The following INVS variants were observed in gnomAD, a reference collection of about 807,000 sequenced individuals.
INVS encodes the protein inversin.
A neutral mutation model predicts 108.8 loss-of-function variants in INVS; 86 were observed. That is an observed-to-expected ratio of 0.79 (90% CI 0.66 to 0.95). The LOEUF (loss-of-function observed/expected upper bound fraction) is 0.95. INVS is among the 40% of genes least tolerant of loss of function. The pLI is 0.00. For synonymous variants in INVS, 455 were observed against 473.5 expected (o/e 0.96, Z 0.51); for missense variants, 1,169 against 1,297.4 (o/e 0.90, Z 1.52).
At chr9:100,254,157 T>C (rs1416017183) in intron 10 of INVS, among the ~76,000 whole-genome samples, 1 of 152,218 alleles carries the variant, frequency 6.6e-6, no homozygotes. Flanking sequence ...TGCATTTCTC[T>C]GATGGCCAGT....
At chr9:100,152,592 T>C (rs906746741) in intron 3 of INVS, among the ~76,000 whole-genome samples, 1 of 152,208 alleles carries the variant, frequency 6.6e-6, no homozygotes, top group Admixed American at 6.5e-5. Flanking sequence ...TTCTGATGGG[T>C]ATGTCATTCA....
chr9:100,294,344 ATTC>A (rs1833725339), intron 14 of INVS, among the ~76,000 whole-genome samples: 1 of 152,142 alleles, frequency 6.6e-6, no homozygotes, highest in African/African-American at 2.4e-5. Context: ...AACTAGATAG[ATTC>A]CCAGGAGGTC....
At chr9:100,261,297 G>A (rs540124029) in intron 10 of INVS, among the ~76,000 whole-genome samples, 2 of 138,388 alleles carry the variant, frequency 1.4e-5, no homozygotes, top group Non-Finnish European at 3.0e-5. Context: ...ACAGAGTCTC[G>A]CTCTGTCACC....
At chr9:100,248,162 A>T (rs564529069) in intron 8 of INVS, among the ~76,000 whole-genome samples, 16 of 152,254 alleles carry the variant, frequency 1.1e-4, no homozygotes, top group African/African-American at 3.6e-4. Context: ...GACACATAGG[A>T]TATTGACTTT....
At chr9:100,215,970 A>G (rs1391554564) in intron 3 of INVS, among the ~76,000 whole-genome samples, 2 of 152,186 alleles carry the variant, frequency 1.3e-5, no homozygotes, top group Non-Finnish European at 2.9e-5. Context: ...TGGTGGGTTC[A>G]TTGCCTTATC....
intron 3 of INVS, among the ~76,000 whole-genome samples, chr9:100,132,774 G>A (rs1159503309): frequency 2.5e-5 from 2 of 80,638 alleles, no homozygotes; most frequent in East Asian, 1.9e-3. Context: ...GCATATGCCT[G>A]GAATTTTTTT....
intron 3 of INVS, among the ~76,000 whole-genome samples, chr9:100,195,058 T>C (rs1239773742): frequency 6.6e-6 from 1 of 152,196 alleles, no homozygotes; most frequent in East Asian, 1.9e-4. Flanking sequence ...CTGCTATTAT[T>C]TGTAGTGTCC....
intron 3 of INVS, among the ~76,000 whole-genome samples, chr9:100,144,677 G>C (rs1428061765): frequency 1.3e-5 from 2 of 152,152 alleles, no homozygotes. Context: ...TGGGTGTGAG[G>C]AGGGGAGATG....
intron 3 of INVS, among the ~76,000 whole-genome samples, chr9:100,202,462 G>T (rs913927068): frequency 6.6e-6 from 1 of 152,156 alleles, no homozygotes; most frequent in African/African-American, 2.4e-5. Flanking sequence ...AAACATTGAG[G>T]AAACTGATTA....
chr9:100,290,400 A>T (rs1056538096), intron 13 of INVS, among the ~76,000 whole-genome samples: 1 of 152,072 alleles, frequency 6.6e-6, no homozygotes, highest in African/African-American at 2.4e-5. Flanking sequence ...CCTAGGCTGG[A>T]GTGCAGTGGC....
intron 9 of INVS, 150 bp downstream of exon 9, chr9:100,252,588 T>C (rs1832272269): frequency 2.5e-6 from 2 of 812,178 alleles, no homozygotes; most frequent in Non-Finnish European, 4.1e-6. Context: ...GAACCTCAAG[T>C]TCTACTCCTA....
In INVS at chr9:100,284,595, G is replaced by A. The variant is rs1190514155; in HGVS notation, c.2060G>A (p.Arg687Lys). 5 of 1,613,190 alleles carry A rather than the reference G, an allele frequency of 3.1e-6. No homozygotes were observed. The Admixed American group carries it at 8.3e-5, about 27-fold the overall frequency. The stretch of plus-strand genomic sequence containing the variant: ...GATTTGCAGGGAACAAACTCCAGAA[G>A]GCCAAATGGTAGGTGTATTGCCTTT... The part of the protein sequence containing the change: ...SSDLQGTNSR[R>K]PNETAREHSK... Residue 687 changes from arginine (R) to lysine (K), a missense_variant, in exon 13 of 17, where the codon AGG becomes AAG. Around this residue, in one of 3 missense-constraint regions of INVS, gnomAD observed 533 missense variants for 536.0 expected, o/e 0.99. Transcript: ENST00000262457.
intron 3 of INVS, among the ~76,000 whole-genome samples, chr9:100,171,193 A>G (rs1236458474): frequency 6.6e-6 from 1 of 152,170 alleles, no homozygotes; most frequent in African/African-American, 2.4e-5. Flanking sequence ...TGGTCCCATG[A>G]GCCGTCACAC....
Position 100,243,350 on chromosome 9 carries a change from T to G in INVS, c.906+671T>G, listed in dbSNP as rs10819744. Reference sequence around the variant, plus strand: ...ATTATACCTTTTCTTCCAGGATTGTTGTAAAGATTAGAGAAAATTTATGAC... The same window carrying G: ...ATTATACCTTTTCTTCCAGGATTGTGGTAAAGATTAGAGAAAATTTATGAC... On this transcript the variant is annotated intron_variant, in intron 7 of 16. Coordinates refer to ENST00000262457, the MANE Select transcript of INVS (RefSeq NM_014425.5). 5.5e-3 allele frequency among the ~76,000 whole-genome samples: 836 copies of G among 152,316 alleles called. 4 individuals are homozygous for G. Among genetic ancestry groups the G allele is most frequent in the Non-Finnish European group, 9.8e-3 (669 of 68,016 alleles).
At chr9:100,180,039 A>G (rs942874025) in intron 3 of INVS, among the ~76,000 whole-genome samples, 3 of 152,190 alleles carry the variant, frequency 2.0e-5, no homozygotes, top group Non-Finnish European at 4.4e-5. Context: ...CTGAATGACT[A>G]CTGGGTAAAT....
chr9:100,103,035 TAG>T (rs1359243552), intron 1 of INVS, among the ~76,000 whole-genome samples: 2 of 152,274 alleles, frequency 1.3e-5, no homozygotes, highest in East Asian at 3.9e-4. Context: ...GTATTTTTAG[TAG>T]AGACACAGTT....
intron 3 of INVS, among the ~76,000 whole-genome samples, chr9:100,184,391 G>A (rs547972236): frequency 2.6e-5 from 4 of 152,164 alleles, no homozygotes; most frequent in Non-Finnish European, 5.9e-5. Flanking sequence ...GGAAAACCAT[G>A]CAGATCACCA....
chr9:100,117,578 A>G (rs1827579764), intron 2 of INVS: 2 of 968,382 alleles, frequency 2.1e-6, no homozygotes. Flanking sequence ...GCGGTTCCCC[A>G]TCCCAGGGCC....
In INVS at chr9:100,104,490, T is replaced by G. The variant is rs750864741; in HGVS notation, c.-24-8T>G. 11 of 1,469,356 alleles carry G rather than the reference T, an allele frequency of 7.5e-6. No individual in the cohort carries two copies. The Admixed American group carries it at 1.8e-4, about 25-fold the overall frequency. The allele number at this position is 1,469,356 out of a possible 1,614,324, so 91.0% of individuals were successfully genotyped here. Reference sequence around the variant, plus strand: ...TGCATGCGCTCATTGTCTGAATCATTGTTTCAGGTTGCTCCGGTTGCTAAG... The same window carrying G: ...TGCATGCGCTCATTGTCTGAATCATGGTTTCAGGTTGCTCCGGTTGCTAAG... On this transcript the variant is annotated splice_region_variant and splice_polypyrimidine_tract_variant and intron_variant, in intron 1 of 16. Transcript: ENST00000262457.
Sources: allele counts gnomAD v4.1 joint callset (sites outside exome capture counted in the v4.1 genomes callset), GRCh38; gene constraint gnomAD v4.1.1; regional missense constraint gnomAD v4.1.1; transcripts MANE v1.5; gene names NCBI Gene and HGNC (gene_info 2026-07-23, HGNC 2026-07-21).